The following SHANK2 variants were observed in gnomAD, a reference collection of about 807,000 sequenced individuals.
SHANK2 encodes the protein SH3 and multiple ankyrin repeat domains protein 2.
SHANK2 carries 43 observed loss-of-function variants against 133.7 expected under a neutral mutation model. That is an observed-to-expected ratio of 0.32 (90% CI 0.25 to 0.41). The LOEUF (loss-of-function observed/expected upper bound fraction) is 0.41. Among genes scored for constraint, SHANK2 ranks in the 10% least tolerant of loss-of-function variants. The probability of loss-of-function intolerance (pLI) is 1.00; values close to 1 mark genes in which losing one functional copy is unlikely to be tolerated. For synonymous variants in SHANK2, 1,017 were observed against 952.8 expected (o/e 1.07, Z -1.24); for missense variants, 1,994 against 2,235.8 (o/e 0.89, Z 2.18).
chr11:71,077,308 T>C, intron 8 of SHANK2, among the ~76,000 whole-genome samples: 1 of 152,292 alleles, frequency 6.6e-6, no homozygotes, highest in South Asian at 2.1e-4. Flanking sequence ...TAATCCACAC[T>C]CATTATTCCC....
chr11:70,676,451 TG>T (rs1318337484), intron 15 of SHANK2, among the ~76,000 whole-genome samples: 1 of 152,194 alleles, frequency 6.6e-6, no homozygotes, highest in Non-Finnish European at 1.5e-5. Flanking sequence ...GGACGTGCTA[TG>T]GGGACATCAT....
chr11:70,711,328 G>A (rs1041151757), intron 14 of SHANK2, among the ~76,000 whole-genome samples: 27 of 152,302 alleles, frequency 1.8e-4, no homozygotes, highest in Admixed American at 7.2e-4. Context: ...GCACCCGAAC[G>A]CCTCCCTCCC....
At chr11:71,220,381 A>C (rs555523374) in intron 2 of SHANK2, among the ~76,000 whole-genome samples, 17 of 152,308 alleles carry the variant, frequency 1.1e-4, no homozygotes, top group South Asian at 2.1e-4. Flanking sequence ...TTCTCCAAAA[A>C]CTAAACATAA....
At chr11:70,746,503 G>A (rs1201597171) in intron 14 of SHANK2, among the ~76,000 whole-genome samples, 3 of 148,436 alleles carry the variant, frequency 2.0e-5, no homozygotes, top group South Asian at 2.1e-4. Flanking sequence ...CGGGGGATGC[G>A]GGGTGCCCCG....
At chr11:70,873,202 A>T in intron 11 of SHANK2, 1 of 448,168 alleles carries the variant, frequency 2.2e-6, no homozygotes. Flanking sequence ...CTATTCTCAG[A>T]CACTAAACAA....
chr11:70,530,884 G>C (rs1157585350), intron 17 of SHANK2, among the ~76,000 whole-genome samples: 1 of 152,104 alleles, frequency 6.6e-6, no homozygotes, highest in Non-Finnish European at 1.5e-5. Context: ...CTGAGATTTT[G>C]TCCGGGCTTG....
chr11:70,592,540 C>T lies in SHANK2; in HGVS notation c.2061+67288G>A, dbSNP rs569228799. ...CAGGGGAGTCTTTCTGAAGGCCGTG[C>T]GGCATCTCGGTGGCCCCCCTTCTGC... is the stretch of plus-strand genomic sequence containing the variant. On this transcript the variant is annotated intron_variant, in intron 17 of 25. Coordinates refer to ENST00000601538, the MANE Select transcript of SHANK2 (RefSeq NM_012309.5). Among the ~76,000 whole-genome samples the T allele has an allele frequency of 8.6e-4, 131 of 151,850 alleles. 1 individual carries two copies. Among genetic ancestry groups the T allele is most frequent in the African/African-American group, 2.1e-3 (86 of 41,384 alleles).
chr11:70,853,477 C>G (rs2135475548), intron 11 of SHANK2, among the ~76,000 whole-genome samples: 1 of 152,302 alleles, frequency 6.6e-6, no homozygotes, highest in South Asian at 2.1e-4. Flanking sequence ...CTGGGTGCAG[C>G]CTTAAGCGTC....
At chr11:71,120,703 C>A (rs1590932073) in intron 3 of SHANK2, among the ~76,000 whole-genome samples, 1 of 152,172 alleles carries the variant, frequency 6.6e-6, no homozygotes, top group Non-Finnish European at 1.5e-5. Flanking sequence ...CACCCTCCCC[C>A]ATCCTTGGCT....
Position 70,916,900 on chromosome 11 carries a change from G to A in SHANK2, c.1108-20333C>T, listed in dbSNP as rs191147758. ...AAATGTATCATTTCTCAATCTCCAC[G>A]GTACCTGCGACCTTAAGCACCAGGT... is the stretch of plus-strand genomic sequence containing the variant. On this transcript the variant is annotated intron_variant, in intron 10 of 25. Coordinates refer to ENST00000601538, the MANE Select transcript of SHANK2 (RefSeq NM_012309.5). Among the ~76,000 whole-genome samples the A allele has an allele frequency of 2.3e-4, 35 of 152,290 alleles. No individual in the cohort carries two copies. In the East Asian group the frequency reaches 6.0e-3, roughly 26 times the overall value.
At chr11:71,107,184 C>T (rs1951814772) in intron 6 of SHANK2, among the ~76,000 whole-genome samples, 1 of 152,112 alleles carries the variant, frequency 6.6e-6, no homozygotes, top group African/African-American at 2.4e-5. Flanking sequence ...CAATAAACCC[C>T]CAACCTCTAT....
chr11:70,624,011 A>G (rs1304361825), intron 17 of SHANK2, among the ~76,000 whole-genome samples: 1 of 152,158 alleles, frequency 6.6e-6, no homozygotes, highest in Non-Finnish European at 1.5e-5. Context: ...GCTGCCACCA[A>G]GAACTGGAGC....
intron 17 of SHANK2, among the ~76,000 whole-genome samples, chr11:70,616,842 C>A (rs1287681594): frequency 6.6e-6 from 1 of 152,166 alleles, no homozygotes; most frequent in African/African-American, 2.4e-5. Context: ...GGGCGTCCCC[C>A]GACAGGGGCC....
intron 8 of SHANK2, among the ~76,000 whole-genome samples, chr11:71,080,405 C>T (rs1322039405): frequency 1.3e-5 from 2 of 152,174 alleles, no homozygotes; most frequent in African/African-American, 2.4e-5. Context: ...AGCCATTTAA[C>T]GCCACCTGCT....
At chr11:70,758,425 G>A (rs782226964) in intron 14 of SHANK2, among the ~76,000 whole-genome samples, 1 of 152,170 alleles carries the variant, frequency 6.6e-6, no homozygotes, top group Non-Finnish European at 1.5e-5. Context: ...CTGCACTTCC[G>A]ATCCAGCGAG....
chr11:70,594,450 T>C (rs1341662931), intron 17 of SHANK2, among the ~76,000 whole-genome samples: 1 of 152,182 alleles, frequency 6.6e-6, no homozygotes, highest in Non-Finnish European at 1.5e-5. Flanking sequence ...GGGTTCTGCA[T>C]TCCACGAATA....
rs550760201 is a variant in SHANK2, at chr11:71,181,004, C to A, written c.-12-33666G>T. 2.6e-5 allele frequency among the ~76,000 whole-genome samples: 4 copies of A among 151,958 alleles called. No individual in the cohort carries two copies. The East Asian group carries it at 7.8e-4, about 30-fold the overall frequency. On this transcript the variant is annotated intron_variant, in intron 2 of 25. Coordinates refer to ENST00000601538, the MANE Select transcript of SHANK2 (RefSeq NM_012309.5). ...GCTTGAAATCACACACAAAAAACAGCAGCGAAGGGATTTCATTTTTAATGC... is the reference window on the plus strand; with the variant it reads ...GCTTGAAATCACACACAAAAAACAGAAGCGAAGGGATTTCATTTTTAATGC...
At chr11:71,102,850 T>C (rs1951738381) in intron 6 of SHANK2, among the ~76,000 whole-genome samples, 1 of 152,228 alleles carries the variant, frequency 6.6e-6, no homozygotes, top group Non-Finnish European at 1.5e-5. Context: ...GACTGGGCTG[T>C]GGTAACAAGA....
chr11:70,550,762 C>T (rs1189399906), intron 17 of SHANK2, among the ~76,000 whole-genome samples: 2 of 152,172 alleles, frequency 1.3e-5, no homozygotes, highest in Non-Finnish European at 2.9e-5. Context: ...TCCTGGGCCA[C>T]GGGGCTCTCC....
Sources: allele counts gnomAD v4.1 joint callset (sites outside exome capture counted in the v4.1 genomes callset), GRCh38; gene constraint gnomAD v4.1.1; transcripts MANE v1.5; gene names NCBI Gene and HGNC (gene_info 2026-07-23, HGNC 2026-07-21).